The following CADM1 variants were observed in gnomAD, a reference collection of about 807,000 sequenced individuals.
CADM1 encodes cell adhesion molecule 1.
A neutral mutation model predicts 53.1 loss-of-function variants in CADM1; 15 were observed. The observed-to-expected ratio is 0.28, with a 90% confidence interval of 0.19 to 0.44. The LOEUF is 0.44. Ranked by LOEUF, CADM1 falls within the 20% of genes least tolerant of loss-of-function variation. CADM1 has a pLI of 1.00. For synonymous variants in CADM1, 281 were observed against 243.0 expected, an observed-to-expected ratio of 1.16 and a Z score of -1.45; for missense variants, 434 against 611.3, an observed-to-expected ratio of 0.71 and a Z score of 3.06.
chr11:115,469,650 A>G (rs1323979678), intron 1 of CADM1, among the ~76,000 whole-genome samples: 2 of 147,498 alleles, frequency 1.4e-5, no homozygotes, highest in Admixed American at 6.8e-5. Flanking sequence ...ACATAACCAT[A>G]CTATCCTCAA....
Position 115,344,888 on chromosome 11 carries a change from T to C in CADM1, c.125-104468A>G, listed in dbSNP as rs991317665. ...CGTGTCTACAGATAAAATAAAAATA[T>C]ATTCCCCTTTGTCAGGTTTCAAGGT... On this transcript the variant is annotated intron_variant, in intron 1 of 11. Transcript: ENST00000331581. Among the ~76,000 whole-genome samples the C allele has an allele frequency of 4.6e-5, 7 of 152,196 alleles. 1 individual carries two copies. The highest frequency in any genetic ancestry group is 9.7e-5 in the African/African-American group (4 of 41,450).
chr11:115,224,472 C>T (rs1239150800), intron 5 of CADM1, among the ~76,000 whole-genome samples: 2 of 152,104 alleles, frequency 1.3e-5, no homozygotes, highest in African/African-American at 4.8e-5. Flanking sequence ...TCTTTGTTTT[C>T]ATTCTTCTTT....
chr11:115,493,656 A>G (rs1949548102), intron 1 of CADM1, among the ~76,000 whole-genome samples: 1 of 152,164 alleles, frequency 6.6e-6, no homozygotes, highest in Non-Finnish European at 1.5e-5. Flanking sequence ...GGGCAAACTG[A>G]TATTATGTCC....
chr11:115,491,022 A>G (rs1321874153), intron 1 of CADM1, among the ~76,000 whole-genome samples: 1 of 152,218 alleles, frequency 6.6e-6, no homozygotes. Context: ...CTTTTAGAAC[A>G]TAGTCTGAGG....
chr11:115,194,555 C>T (rs1474845511), intron 9 of CADM1, among the ~76,000 whole-genome samples: 5 of 152,164 alleles, frequency 3.3e-5, no homozygotes, highest in Non-Finnish European at 7.3e-5. Flanking sequence ...AATTTAAAAA[C>T]TCATTGGGGA....
intron 1 of CADM1, among the ~76,000 whole-genome samples, chr11:115,501,448 T>C (rs1949724389): frequency 6.6e-6 from 1 of 152,062 alleles, no homozygotes; most frequent in Non-Finnish European, 1.5e-5. Flanking sequence ...CTGAAAATGA[T>C]AAGAGGGGGG....
intron 1 of CADM1, among the ~76,000 whole-genome samples, chr11:115,359,185 AGACT>A (rs2135088017): frequency 6.6e-6 from 1 of 152,340 alleles, no homozygotes; most frequent in South Asian, 2.1e-4. Flanking sequence ...GTTGTTATGA[AGACT>A]GACAGTTTTC....
intron 1 of CADM1, among the ~76,000 whole-genome samples, chr11:115,322,671 G>A (rs1339910958): frequency 6.6e-6 from 1 of 152,062 alleles, no homozygotes; most frequent in African/African-American, 2.4e-5. Flanking sequence ...AAAATATGTG[G>A]CCTTTGGGCT....
intron 1 of CADM1, among the ~76,000 whole-genome samples, chr11:115,425,802 C>T (rs1947875784): frequency 6.6e-6 from 1 of 152,238 alleles, no homozygotes; most frequent in Non-Finnish European, 1.5e-5. Flanking sequence ...GATGTCCACA[C>T]TATGCCCTCT....
At chr11:115,237,323 C>G (rs1385142919) in intron 3 of CADM1, among the ~76,000 whole-genome samples, 6 of 152,124 alleles carry the variant, frequency 3.9e-5, no homozygotes, top group Non-Finnish European at 7.4e-5. Context: ...TAAACACAGA[C>G]CAGATTAGAA....
intron 1 of CADM1, among the ~76,000 whole-genome samples, chr11:115,300,793 G>A (rs569510321): frequency 3.9e-5 from 6 of 152,162 alleles, no homozygotes; most frequent in Admixed American, 2.0e-4. Context: ...ATGATCATCC[G>A]GAAGAGGTGA....
chr11:115,421,662 A>G (rs1947759483), intron 1 of CADM1, among the ~76,000 whole-genome samples: 1 of 152,210 alleles, frequency 6.6e-6, no homozygotes, highest in Admixed American at 6.5e-5. Context: ...CTTAAATAAA[A>G]GTTCAGTTTC....
intron 1 of CADM1, among the ~76,000 whole-genome samples, chr11:115,363,273 C>A (rs940060886): frequency 2.6e-5 from 4 of 152,108 alleles, no homozygotes; most frequent in African/African-American, 9.7e-5. Flanking sequence ...TCATTATTAC[C>A]ATCTCCTACC....
At position 115,355,739 on chromosome 11, in the gene CADM1, G is replaced by C. The variant is rs1224595453; in HGVS notation, c.125-115319C>G. Reference sequence around the variant, plus strand: ...ACACACACACACACACACACACACAGGCACAAATTCAGAAAGCAGGCTGAT... The same window carrying C: ...ACACACACACACACACACACACACACGCACAAATTCAGAAAGCAGGCTGAT... On this transcript the variant is annotated intron_variant, in intron 1 of 11. Coordinates refer to ENST00000331581, the MANE Select transcript of CADM1 (RefSeq NM_001301043.2). Among the ~76,000 whole-genome samples, 12 of 143,996 alleles carry C rather than the reference G, an allele frequency of 8.3e-5. No individual in the cohort carries two copies. The Admixed American group carries it at 8.5e-4, about 10-fold the overall frequency. The allele number at this position is 143,996 out of a possible 152,430, so 94.5% of individuals were successfully genotyped here.
intron 1 of CADM1, among the ~76,000 whole-genome samples, chr11:115,262,233 C>CT (rs1942997918): frequency 6.6e-6 from 1 of 151,446 alleles, no homozygotes; most frequent in South Asian, 2.1e-4. Context: ...TATAAAAACT[C>CT]TGTGTTACCA....
chr11:115,349,164 A>C (rs1945660454), intron 1 of CADM1, among the ~76,000 whole-genome samples: 1 of 152,208 alleles, frequency 6.6e-6, no homozygotes, highest in African/African-American at 2.4e-5. Flanking sequence ...CAATGTGAGT[A>C]ACAAAAATTC....
intron 1 of CADM1, among the ~76,000 whole-genome samples, chr11:115,302,629 A>C (rs1462266996): frequency 6.6e-6 from 1 of 152,090 alleles, no homozygotes; most frequent in African/African-American, 2.4e-5. Flanking sequence ...CTTACCTAAA[A>C]AAAGAAAAAA....
At chr11:115,339,655 C>T (rs572207813) in intron 1 of CADM1, among the ~76,000 whole-genome samples, 2 of 152,202 alleles carry the variant, frequency 1.3e-5, no homozygotes, top group South Asian at 2.1e-4. Context: ...ATTATTTCAT[C>T]ATGTATAGTC....
rs557459956 is a variant in CADM1, at chr11:115,343,408, G to T, written c.125-102988C>A. On this transcript the variant is annotated intron_variant, in intron 1 of 11. Coordinates refer to ENST00000331581, the MANE Select transcript of CADM1 (RefSeq NM_001301043.2). ...TCCTCATTTTACAAATAAGAGAACT[G>T]GAACACAAAGGTAAGAAGTTTATCA... Among the ~76,000 whole-genome samples the T allele has an allele frequency of 2.6e-5, 4 of 152,146 alleles. No homozygotes were observed. In the South Asian group the frequency reaches 8.3e-4, roughly 32 times the overall value.
Sources: gnomAD v4.1 joint callset for allele counts (sites outside exome capture counted in the v4.1 genomes callset) on GRCh38, gnomAD v4.1.1 for gene constraint, MANE v1.5 for transcripts, NCBI Gene and HGNC (gene_info 2026-07-23, HGNC 2026-07-21) for gene names.